Variants in BBS9 observed in about 807,000 individuals in gnomAD.
The protein encoded by BBS9 is Bardet-Biedl syndrome 9.
In BBS9, 89 loss-of-function variants were observed where a neutral mutation model predicts 117.7. That is an observed-to-expected ratio of 0.76 (90% CI 0.64 to 0.90). The LOEUF is 0.90. BBS9 is among the 40% of genes least tolerant of loss of function. The pLI, the probability that BBS9 is intolerant of heterozygous loss-of-function variation, is 0.00. For missense variants in BBS9, 982 were observed against 1,042.2 expected (o/e 0.94, Z 0.80); for synonymous variants, 379 against 370.9 (o/e 1.02, Z -0.25).
At chr7:33,471,397 G>A (rs1841016745) in intron 19 of BBS9, among the ~76,000 whole-genome samples, 1 of 152,192 alleles carries the variant, frequency 6.6e-6, no homozygotes. Context: ...ATGGCAAGTT[G>A]GCTGTTCATA....
intron 17 of BBS9, among the ~76,000 whole-genome samples, chr7:33,368,586 A>G (rs1032383932): frequency 4.6e-5 from 5 of 109,536 alleles, no homozygotes; most frequent in African/African-American, 1.6e-4. Flanking sequence ...GTACACACAC[A>G]CACACACACA....
At chr7:33,449,308 C>A (rs1837435197) in intron 19 of BBS9, among the ~76,000 whole-genome samples, 1 of 152,172 alleles carries the variant, frequency 6.6e-6, no homozygotes, top group Non-Finnish European at 1.5e-5. Context: ...ACGTGAATTA[C>A]CAGCCATAGA....
At chr7:33,567,612 T>G (rs1857120456) in intron 21 of BBS9, among the ~76,000 whole-genome samples, 1 of 152,138 alleles carries the variant, frequency 6.6e-6, no homozygotes, top group South Asian at 2.1e-4. Context: ...CTGGGTGGTT[T>G]TAATTTCTGT....
In BBS9 at chr7:33,543,678, A is replaced by G. The variant is rs189699403; in HGVS notation, c.2521+9502A>G. Among the ~76,000 whole-genome samples the G allele has an allele frequency of 7.2e-5, 11 of 152,282 alleles. No individual in the cohort carries two copies. The East Asian group carries it at 1.3e-3, about 19-fold the overall frequency. ...TGTATAACCTGATGACAATGTGCCT[A>G]GGTGAAGATCTTTTTGCGATGAATT... On this transcript the variant is annotated intron_variant, in intron 21 of 22. Transcript: ENST00000242067.
intron 3 of BBS9, among the ~76,000 whole-genome samples, chr7:33,154,263 T>C (rs750416593): frequency 6.6e-6 from 1 of 152,336 alleles, no homozygotes; most frequent in Middle Eastern, 3.4e-3. Context: ...GTTTTGCAGA[T>C]GTTATCTAAT....
intron 21 of BBS9, among the ~76,000 whole-genome samples, chr7:33,614,294 A>C (rs1865026799): frequency 6.6e-6 from 1 of 152,104 alleles, no homozygotes; most frequent in East Asian, 1.9e-4. Flanking sequence ...AAAATACAAT[A>C]ACGTGACACA....
intron 9 of BBS9, among the ~76,000 whole-genome samples, chr7:33,316,269 A>G (rs1238019974): frequency 6.6e-6 from 1 of 152,096 alleles, no homozygotes; most frequent in Non-Finnish European, 1.5e-5. Context: ...TTTAACATTC[A>G]TCTGTGTTGT....
intron 21 of BBS9, among the ~76,000 whole-genome samples, chr7:33,597,744 G>A (rs976745781): frequency 6.6e-6 from 1 of 151,954 alleles, no homozygotes; most frequent in African/African-American, 2.4e-5. Context: ...CACTAGCTCT[G>A]GGACATTTGT....
intron 5 of BBS9, among the ~76,000 whole-genome samples, chr7:33,182,717 C>T (rs925648631): frequency 6.6e-6 from 1 of 152,108 alleles, no homozygotes; most frequent in Non-Finnish European, 1.5e-5. Flanking sequence ...AAACATCACA[C>T]ACACAACACA....
chr7:33,153,954 T>C (rs985052389), intron 3 of BBS9, among the ~76,000 whole-genome samples: 3 of 152,212 alleles, frequency 2.0e-5, no homozygotes, highest in African/African-American at 7.2e-5. Context: ...AAAGTGTTTT[T>C]ACCTTACCAT....
chr7:33,297,918 T>C (rs1805602342), intron 9 of BBS9, among the ~76,000 whole-genome samples: 1 of 152,192 alleles, frequency 6.6e-6, no homozygotes, highest in Non-Finnish European at 1.5e-5. Context: ...TTCAGTCCTC[T>C]ATGGTTTTAC....
intron 19 of BBS9, among the ~76,000 whole-genome samples, chr7:33,459,503 A>G (rs976719887): frequency 1.3e-5 from 2 of 152,004 alleles, no homozygotes; most frequent in Admixed American, 1.3e-4. Context: ...GCTCTGCTCT[A>G]TAGGAAGAAA....
intron 7 of BBS9, among the ~76,000 whole-genome samples, chr7:33,264,900 A>G (rs766595165): frequency 1.3e-5 from 2 of 152,200 alleles, no homozygotes; most frequent in African/African-American, 2.4e-5. Flanking sequence ...TTTTGTAACT[A>G]GTAGGCATGC....
At chr7:33,139,025 G>A (rs550179769) in intron 1 of BBS9, among the ~76,000 whole-genome samples, 2 of 151,374 alleles carry the variant, frequency 1.3e-5, no homozygotes, top group South Asian at 2.1e-4. Flanking sequence ...GGCTGAGGTC[G>A]GCGGATCACC....
At chr7:33,473,273 A>T (rs1841321566) in intron 19 of BBS9, among the ~76,000 whole-genome samples, 1 of 152,206 alleles carries the variant, frequency 6.6e-6, no homozygotes, top group Non-Finnish European at 1.5e-5. Context: ...ATTCAAATTA[A>T]TTGGCTGTAC....
At chr7:33,564,617 C>T (rs1156768) in intron 21 of BBS9, among the ~76,000 whole-genome samples, 18,213 of 151,960 alleles carry the variant, frequency 0.12, 1,464 homozygotes, top group East Asian at 0.36. Context: ...CTTTTTTTTG[C>T]GTCAGATGTT....
intron 19 of BBS9, among the ~76,000 whole-genome samples, chr7:33,497,335 A>G (rs13227256): frequency 0.17 from 25,438 of 152,108 alleles, 2,717 homozygotes; most frequent in East Asian, 0.48. Context: ...TAGTTGCACT[A>G]TATCTTTAGG....
chr7:33,556,533 A>C (rs1233548947), intron 21 of BBS9, among the ~76,000 whole-genome samples: 2 of 152,240 alleles, frequency 1.3e-5, no homozygotes, highest in African/African-American at 2.4e-5. Context: ...CCAGCTGTTT[A>C]AATGTAATAT....
intron 5 of BBS9, among the ~76,000 whole-genome samples, chr7:33,193,159 ACTGC>A (rs1423746938): frequency 3.3e-5 from 5 of 152,138 alleles, no homozygotes; most frequent in Non-Finnish European, 5.9e-5. Context: ...TTGTTAACAA[ACTGC>A]CCCTCAATTA....
Sources: allele counts gnomAD v4.1 joint callset (sites outside exome capture counted in the v4.1 genomes callset), GRCh38; gene constraint gnomAD v4.1.1; transcripts MANE v1.5; gene names NCBI Gene and HGNC (gene_info 2026-07-23, HGNC 2026-07-21).